The following DPP6 variants were observed in gnomAD, a reference collection of about 807,000 sequenced individuals.
DPP6 encodes the protein dipeptidyl peptidase like 6, also known as A-type potassium channel modulatory protein DPP6.
Under a neutral mutation model 122.6 loss-of-function variants are expected in DPP6, and 69 were observed. The observed-to-expected ratio is 0.56, with a 90% confidence interval of 0.46 to 0.69. DPP6 has a LOEUF of 0.69. Among genes scored for constraint, DPP6 ranks in the 30% least tolerant of loss-of-function variants. The pLI, the probability that DPP6 is intolerant of heterozygous loss-of-function variation, is 0.00. For missense variants in DPP6, 928 were observed against 1,116.9 expected, an observed-to-expected ratio of 0.83 and a Z score of 2.41; for synonymous variants, 418 against 433.1, an observed-to-expected ratio of 0.97 and a Z score of 0.43.
chr7:154,186,076 C>G (rs1204735934), intron 1 of DPP6, among the ~76,000 whole-genome samples: 2 of 152,208 alleles, frequency 1.3e-5, no homozygotes, highest in African/African-American at 4.8e-5. Flanking sequence ...GTGCAAGTTG[C>G]TTAGTGCCCT....
At chr7:154,661,733 T>G in intron 6 of DPP6, among the ~76,000 whole-genome samples, 1 of 142,880 alleles carries the variant, frequency 7.0e-6, no homozygotes, top group East Asian at 2.2e-4. Context: ...GTAGTGTTCA[T>G]ATAGTCATGG....
At chr7:154,362,856 A>G (rs1811846487) in intron 1 of DPP6, among the ~76,000 whole-genome samples, 1 of 152,206 alleles carries the variant, frequency 6.6e-6, no homozygotes. Flanking sequence ...CTCCGAGTGC[A>G]GCCCTGCTCC....
intron 1 of DPP6, among the ~76,000 whole-genome samples, chr7:153,981,483 T>TG (rs1480976988): frequency 3.3e-5 from 5 of 152,264 alleles, no homozygotes; most frequent in Admixed American, 1.3e-4. Flanking sequence ...CAGTGGGTCT[T>TG]GACTCTTTAT....
intron 5 of DPP6, among the ~76,000 whole-genome samples, chr7:154,575,786 G>A (rs932212636): frequency 6.7e-6 from 1 of 149,654 alleles, no homozygotes; most frequent in African/African-American, 2.5e-5. Flanking sequence ...TGTATGTGTG[G>A]TGTGTGTATC....
In DPP6 at chr7:154,481,275, T is replaced by C. The variant is rs974239509; in HGVS notation, c.457+6238T>C. 2.6e-5 allele frequency among the ~76,000 whole-genome samples: 4 copies of C among 152,154 alleles called. No individual in the cohort carries two copies. The highest frequency in any genetic ancestry group is 4.8e-5 in the African/African-American group (2 of 41,428). ...CCCCCACAATGTTAGGTATTGTCTA[T>C]ATGATGATGAGTTTCAATTCTCTAG... On this transcript the variant is annotated intron_variant, in intron 3 of 25. Transcript: ENST00000377770. This position sits in a 1 kb window ranked among gnomAD's most constrained non-coding sequence, Gnocchi z 4.2.
intron 8 of DPP6, among the ~76,000 whole-genome samples, chr7:154,743,742 C>T (rs967484342): frequency 4.0e-5 from 6 of 151,410 alleles, no homozygotes; most frequent in Admixed American, 6.6e-5. Flanking sequence ...GCCCTGAGGA[C>T]CCAGGTATAT....
intron 4 of DPP6, among the ~76,000 whole-genome samples, chr7:154,545,727 T>C (rs1829131877): frequency 4.6e-5 from 7 of 152,214 alleles, no homozygotes; most frequent in Admixed American, 2.0e-4. Context: ...AGAGACTGTG[T>C]CTTTCAAACT....
At chr7:154,703,350 G>A (rs74723572) in intron 7 of DPP6, among the ~76,000 whole-genome samples, 5,364 of 152,236 alleles carry the variant, frequency 0.035, 293 homozygotes, top group East Asian at 0.23. Context: ...CTGGCATGGC[G>A]GCTCATGCCT....
chr7:154,079,089 T>C (rs1803799237), intron 1 of DPP6, among the ~76,000 whole-genome samples: 1 of 152,024 alleles, frequency 6.6e-6, no homozygotes, highest in African/African-American at 2.4e-5. Flanking sequence ...AAACCCTGTC[T>C]CTACTAAAAA....
At chr7:153,845,988 C>G in the DPP6 span, among the ~76,000 whole-genome samples, 2 of 152,044 alleles carry the variant, frequency 1.3e-5, no homozygotes, top group Admixed American at 6.5e-5. Context: ...TTTTCTGTCT[C>G]TCTGATAAAT....
intron 1 of DPP6, among the ~76,000 whole-genome samples, chr7:154,261,284 A>G (rs1175643587): frequency 6.6e-6 from 1 of 152,202 alleles, no homozygotes; most frequent in Non-Finnish European, 1.5e-5. Flanking sequence ...AAGTATTCCC[A>G]GTTCACTGCA....
At chr7:154,033,700 G>T (rs1454448715) in intron 1 of DPP6, among the ~76,000 whole-genome samples, 1 of 152,130 alleles carries the variant, frequency 6.6e-6, no homozygotes, top group South Asian at 2.1e-4. Flanking sequence ...CATATTCCAT[G>T]GTTGATTAGT....
intron 6 of DPP6, among the ~76,000 whole-genome samples, chr7:154,652,440 A>G (rs1287664208): frequency 6.7e-6 from 1 of 148,324 alleles, no homozygotes; most frequent in African/African-American, 2.5e-5. Flanking sequence ...ATACACACTT[A>G]GATTGGTTTA....
At chr7:154,596,176 T>A (rs958081148) in intron 5 of DPP6, among the ~76,000 whole-genome samples, 2 of 152,266 alleles carry the variant, frequency 1.3e-5, no homozygotes, top group African/African-American at 4.8e-5. Flanking sequence ...AGTACTTAAC[T>A]TTTTCCAGGA....
chr7:154,719,179 G>A (rs73498005), intron 7 of DPP6, among the ~76,000 whole-genome samples: 2,035 of 152,112 alleles, frequency 0.013, 49 homozygotes, highest in African/African-American at 0.045. Context: ...CTACTGTGGC[G>A]GCGTGTTTGG....
chr7:154,527,360 G>C (rs528920653), intron 3 of DPP6, among the ~76,000 whole-genome samples: 6 of 152,276 alleles, frequency 3.9e-5, no homozygotes, highest in African/African-American at 1.4e-4. Flanking sequence ...GCCATTTACA[G>C]AGAGAATCTG....
At chr7:154,092,837 C>T (rs1010577995) in intron 1 of DPP6, 5 of 151,966 alleles carry the variant, frequency 3.3e-5, no homozygotes, top group African/African-American at 1.2e-4. Flanking sequence ...TGATTCTTAC[C>T]CGAGTCAAGT....
At chr7:154,414,167 G>T (rs541606804) in intron 1 of DPP6, among the ~76,000 whole-genome samples, 1 of 152,116 alleles carries the variant, frequency 6.6e-6, no homozygotes, top group Non-Finnish European at 1.5e-5. Context: ...GGGAATATTG[G>T]CTTCCAATTT....
chr7:154,512,818 A>AT (rs1451306901), intron 3 of DPP6, among the ~76,000 whole-genome samples: 2 of 152,162 alleles, frequency 1.3e-5, no homozygotes, highest in Non-Finnish European at 2.9e-5. Flanking sequence ...TTGATAATAA[A>AT]TTTTTTGAGG....
Sources: allele counts gnomAD v4.1 joint callset (sites outside exome capture counted in the v4.1 genomes callset), GRCh38; gene constraint gnomAD v4.1.1; non-coding constraint Gnocchi (gnomAD v3.1); transcripts MANE v1.5; gene names NCBI Gene and HGNC (gene_info 2026-07-23, HGNC 2026-07-21).